FAM13A: variants seen among roughly 807,000 people sequenced by gnomAD.
The protein encoded by FAM13A is family with sequence similarity 13 member A, also known as protein FAM13A.
In FAM13A, 76 loss-of-function variants were observed where a neutral mutation model predicts 129.6. The ratio of observed to expected loss-of-function variants is 0.59; its 90% CI spans 0.49 to 0.71. The LOEUF is 0.71. Ranked by LOEUF, FAM13A falls within the 30% of genes least tolerant of loss-of-function variation. The probability of loss-of-function intolerance (pLI) is 0.00; values close to 1 mark genes in which losing one functional copy is unlikely to be tolerated. For missense variants in FAM13A, 1,108 were observed against 1,249.3 expected (o/e 0.89, Z 1.70); for synonymous variants, 443 against 449.9 (o/e 0.98, Z 0.20).
At chr4:88,850,269 T>C (rs1176332131) in intron 7 of FAM13A, among the ~76,000 whole-genome samples, 1 of 152,092 alleles carries the variant, frequency 6.6e-6, no homozygotes, top group East Asian at 1.9e-4. Context: ...TTTAAGAAAA[T>C]TGTGGCCGGG....
intron 6 of FAM13A, among the ~76,000 whole-genome samples, chr4:88,861,628 C>T (rs891916777): frequency 6.6e-6 from 1 of 152,098 alleles, no homozygotes; most frequent in African/African-American, 2.4e-5. Context: ...CTATGACATG[C>T]TGAGCCTTGG....
intron 11 of FAM13A, among the ~76,000 whole-genome samples, chr4:88,780,688 ATACTT>A (rs1722669581): frequency 1.3e-5 from 2 of 152,214 alleles, no homozygotes; most frequent in Non-Finnish European, 1.5e-5. Context: ...TTGGAAGAAA[ATACTT>A]TAAAAGAGTA....
intron 6 of FAM13A, among the ~76,000 whole-genome samples, chr4:88,860,850 C>T (rs1270153131): frequency 6.6e-6 from 1 of 152,174 alleles, no homozygotes; most frequent in East Asian, 1.9e-4. Context: ...AGGTTTCCTC[C>T]ATTAGGGCGC....
chr4:88,953,553 C>T (rs575716301), intron 4 of FAM13A, among the ~76,000 whole-genome samples: 1 of 152,302 alleles, frequency 6.6e-6, no homozygotes, highest in South Asian at 2.1e-4. Context: ...GCATAAGGTA[C>T]ATTCACATAG....
chr4:88,878,840 A>G (rs1295652949), intron 6 of FAM13A, among the ~76,000 whole-genome samples: 3 of 152,224 alleles, frequency 2.0e-5, no homozygotes, highest in Non-Finnish European at 4.4e-5. Flanking sequence ...CAATGAGCAC[A>G]AAGTACAAAC....
At chr4:88,840,835 A>C (rs1735687565) in intron 7 of FAM13A, among the ~76,000 whole-genome samples, 1 of 152,168 alleles carries the variant, frequency 6.6e-6, no homozygotes, top group Non-Finnish European at 1.5e-5. Context: ...TTTTTTGAAA[A>C]ATTAGGTTCA....
intron 1 of FAM13A, among the ~76,000 whole-genome samples, chr4:89,036,261 T>A (rs892950345): frequency 5.3e-5 from 8 of 152,044 alleles, no homozygotes; most frequent in Non-Finnish European, 1.2e-4. Context: ...AGAACTGGAG[T>A]AAAGGTTACT....
At chr4:88,976,504 T>C (rs1760918375) in intron 4 of FAM13A, among the ~76,000 whole-genome samples, 1 of 152,134 alleles carries the variant, frequency 6.6e-6, no homozygotes, top group South Asian at 2.1e-4. Flanking sequence ...TTTCTTCCTA[T>C]ACAGTCATGT....
Position 88,739,078 on chromosome 4 carries a change from G to A in FAM13A, c.2514C>T (p.Tyr838=), listed in dbSNP as rs1056398178. Residue 838 remains tyrosine, a synonymous_variant, in exon 20 of 24, where the codon TAC becomes TAT. Coordinates refer to ENST00000264344, the MANE Select transcript of FAM13A (RefSeq NM_014883.4). The part of the protein sequence containing the change: ...RQVMKPLYDR[Y]RLVKQILSRA... ...GGGAGAGGATCTGTTTGACCAGCCG[G>A]TACCTGTCGTATAGTGGCTTCATCA... 6.2e-7 allele frequency: 1 copy of A among 1,613,866 alleles called. No homozygotes were observed. The highest frequency in any genetic ancestry group is 8.5e-7 in the Non-Finnish European group (1 of 1,179,856).
intron 3 of FAM13A, among the ~76,000 whole-genome samples, chr4:88,996,919 T>C (rs1240182319): frequency 6.6e-6 from 1 of 152,176 alleles, no homozygotes; most frequent in East Asian, 1.9e-4. Context: ...CAAACTAGCA[T>C]AGGAATACAG....
chr4:88,814,217 G>A (rs1730226012), intron 7 of FAM13A, among the ~76,000 whole-genome samples: 2 of 152,182 alleles, frequency 1.3e-5, no homozygotes, highest in Admixed American at 1.3e-4. Context: ...CAACGGCTGA[G>A]GTTCCAATCC....
intron 23 of FAM13A, 30 bp downstream of exon 23, chr4:88,731,297 G>GGGGGC: frequency 9.2e-7 from 1 of 1,091,796 alleles, no homozygotes; most frequent in Non-Finnish European, 1.3e-6. Context: ...CGGCGGGGGG[G>GGGGGC]AAGGGAGGGT....
intron 7 of FAM13A, among the ~76,000 whole-genome samples, chr4:88,813,915 G>C (rs923532584): frequency 6.6e-6 from 1 of 152,088 alleles, no homozygotes; most frequent in African/African-American, 2.4e-5. Flanking sequence ...GAGTGTATTA[G>C]AATCCATGAT....
chr4:88,756,960 AAGTT>A (rs1430284890), intron 14 of FAM13A, among the ~76,000 whole-genome samples: 2 of 152,182 alleles, frequency 1.3e-5, no homozygotes, highest in African/African-American at 4.8e-5. Context: ...CAAAAACAAA[AAGTT>A]AAAGTTATTT....
At position 88,727,168 on chromosome 4, in the gene FAM13A, G is replaced by A. The variant is rs1411039063; in HGVS notation, c.*1365C>T. ...ACACGTCGTCTAAGGCAGAGCTCCT[G>A]AAGCACCTTCTCTGGTCAGCCGTGG... On this transcript the variant is annotated 3_prime_UTR_variant, in exon 24 of 24. Transcript: ENST00000264344. 6.6e-6 allele frequency: 1 copy of A among 152,626 alleles called. No homozygotes were observed. The allele number at this position is 152,626 out of a possible 1,614,324, so 9.5% of individuals were successfully genotyped here.
At chr4:88,862,771 C>A (rs1739701029) in intron 6 of FAM13A, among the ~76,000 whole-genome samples, 1 of 151,922 alleles carries the variant, frequency 6.6e-6, no homozygotes, top group Admixed American at 6.6e-5. Context: ...TATTATGAAC[C>A]AGTTTTTTAC....
chr4:88,819,217 A>C (rs1226863795), intron 7 of FAM13A, among the ~76,000 whole-genome samples: 1 of 152,198 alleles, frequency 6.6e-6, no homozygotes, highest in Non-Finnish European at 1.5e-5. Flanking sequence ...TCAGCTTCTC[A>C]CTTTGGTAGA....
At chr4:88,869,764 T>A (rs1426178895) in intron 6 of FAM13A, among the ~76,000 whole-genome samples, 1 of 151,660 alleles carries the variant, frequency 6.6e-6, no homozygotes, top group Non-Finnish European at 1.5e-5. Context: ...ACCTGGCATG[T>A]GATAGACAAT....
intron 4 of FAM13A, among the ~76,000 whole-genome samples, chr4:88,974,237 C>T (rs535940471): frequency 1.3e-5 from 2 of 152,234 alleles, no homozygotes; most frequent in Non-Finnish European, 2.9e-5. Flanking sequence ...AATTACAGTT[C>T]AGGTTGTTCT....
Sources: gnomAD v4.1 joint callset for allele counts (sites outside exome capture counted in the v4.1 genomes callset) on GRCh38, gnomAD v4.1.1 for gene constraint, MANE v1.5 for transcripts, NCBI Gene and HGNC (gene_info 2026-07-23, HGNC 2026-07-21) for gene names.